Variants in AKAP11 observed in about 807,000 individuals in gnomAD.
AKAP11 encodes the protein A-kinase anchoring protein 11.
In AKAP11, 36 loss-of-function variants were observed where a neutral mutation model predicts 146.1. That is an observed-to-expected ratio of 0.25 (90% CI 0.19 to 0.33). The LOEUF (loss-of-function observed/expected upper bound fraction) is 0.33, where lower values mean the gene tolerates loss of function less well. Among genes scored for constraint, AKAP11 ranks in the 10% least tolerant of loss-of-function variants. The pLI is 1.00. For missense variants in AKAP11, 2,201 were observed against 2,197.0 expected (o/e 1.00, Z -0.04); for synonymous variants, 780 against 786.5 (o/e 0.99, Z 0.14).
Position 42,300,642 on chromosome 13 carries a change from G to C in AKAP11, c.1896G>C (p.Gln632His). 6.2e-7 allele frequency: 1 copy of C among 1,614,054 alleles called. No individual in the cohort carries two copies. The highest frequency in any genetic ancestry group is 1.1e-5 in the South Asian group (1 of 91,080). ...TATCAAATGCCTTAAAAGATTTACA[G>C]TATGTAAAGAAGCAGATATTCACAA... ...EALSNALKDL[Q>H]YVKKQIFTNT... Residue 632 changes from glutamine (Q) to histidine (H), a missense_variant, in exon 8 of 13, where the codon CAG becomes CAC. Around this residue, in one of 3 missense-constraint regions of AKAP11, gnomAD observed 1,867 missense variants for 1,833.5 expected, o/e 1.02. Transcript: ENST00000025301.
intron 1 of AKAP11, among the ~76,000 whole-genome samples, chr13:42,278,670 T>C (rs1958984880): frequency 6.6e-6 from 1 of 152,200 alleles, no homozygotes; most frequent in Non-Finnish European, 1.5e-5. Flanking sequence ...AACAGTTATA[T>C]TTTAACTGTT....
chr13:42,286,964 A>G (rs1008809496), intron 3 of AKAP11, among the ~76,000 whole-genome samples: 2 of 152,230 alleles, frequency 1.3e-5, no homozygotes, highest in Non-Finnish European at 2.9e-5. Context: ...AAGATAATTA[A>G]CAGTCTTTGT....
chr13:42,273,243 A>ATTTT (rs1958823689), intron 1 of AKAP11, among the ~76,000 whole-genome samples: 1 of 152,202 alleles, frequency 6.6e-6, no homozygotes, highest in Non-Finnish European at 1.5e-5. Context: ...TGGAGTACTA[A>ATTTT]GAAAAAATGG....
chr13:42,274,191 T>C (rs750421972), intron 1 of AKAP11, among the ~76,000 whole-genome samples: 13 of 152,184 alleles, frequency 8.5e-5, no homozygotes, highest in Non-Finnish European at 1.6e-4. Context: ...CTGCATTTTA[T>C]TAATCAACTA....
Position 42,299,950 on chromosome 13 carries a change from A to G in AKAP11, c.1204A>G (p.Lys402Glu), listed in dbSNP as rs1959757579. The part of the protein sequence containing the change: ...GKSCMNPQKF[K>E]FDRPALPANV... ...GTCATGTATGAATCCTCAAAAATTC[A>G]AGTTTGATCGTCCAGCTCTCCCAGC... Residue 402 changes from lysine to glutamate, a missense_variant, in exon 8 of 13, where the codon AAG becomes GAG. By Grantham distance (56) the Lys-to-Glu change is moderately conservative. Coordinates refer to ENST00000025301, the MANE Select transcript of AKAP11 (RefSeq NM_016248.4). The G allele has an allele frequency of 5.6e-6, 9 of 1,613,968 alleles. No individual in the cohort carries two copies. The highest frequency in any genetic ancestry group is 6.8e-6 in the Non-Finnish European group (8 of 1,179,858).
chr13:42,287,865 T>TA (rs1959178771), intron 3 of AKAP11, among the ~76,000 whole-genome samples: 2 of 152,208 alleles, frequency 1.3e-5, no homozygotes, highest in Admixed American at 1.3e-4. Flanking sequence ...CTGACTTGAA[T>TA]ATTTACCCCA....
At position 42,319,409 on chromosome 13, in the gene AKAP11, A is replaced by T; in HGVS notation, c.*181A>T. ...GGTGTATATAGTTCATACTTTTGTA[A>T]TCTGTCAAAATACTACCTTCATTTA... On this transcript the variant is annotated 3_prime_UTR_variant, in exon 13 of 13. Coordinates refer to ENST00000025301, the MANE Select transcript of AKAP11 (RefSeq NM_016248.4). 5 of 711,932 alleles carry T rather than the reference A, an allele frequency of 7.0e-6. No homozygotes were observed. The highest frequency in any genetic ancestry group is 8.9e-6 in the Non-Finnish European group (4 of 451,014). The allele number at this position is 711,932 out of a possible 1,614,324, so 44.1% of individuals were successfully genotyped here. A position where few individuals can be genotyped will look rare whatever the true frequency, so the allele number is the denominator to read the frequency against.
chr13:42,294,669 G>T (rs1391086565), intron 4 of AKAP11, among the ~76,000 whole-genome samples: 1 of 152,054 alleles, frequency 6.6e-6, no homozygotes, highest in African/African-American at 2.4e-5. Flanking sequence ...CCAAAGTGCT[G>T]GGATTACAGA....
intron 1 of AKAP11, among the ~76,000 whole-genome samples, chr13:42,281,566 A>AT (rs1198109793): frequency 2.6e-5 from 4 of 152,188 alleles, no homozygotes; most frequent in Non-Finnish European, 5.9e-5. Context: ...AGACTTGGAG[A>AT]ATATATATTT....
chr13:42,303,879 C>T lies in AKAP11; in HGVS notation c.5117+16C>T, dbSNP rs1372302310. The T allele has an allele frequency of 2.6e-6, 4 of 1,546,598 alleles. No individual in the cohort carries two copies. In the South Asian group the frequency reaches 5.0e-5, roughly 19 times the overall value. On this transcript the variant is annotated intron_variant, in intron 8 of 12. Coordinates refer to ENST00000025301, the MANE Select transcript of AKAP11 (RefSeq NM_016248.4). ...CTGTTAGCAGGTAAGTTTCACGTTT[C>T]TTTTGGTTGTTAATGATAAATTAAA... is the stretch of plus-strand genomic sequence containing the variant.
chr13:42,314,712 A>G (rs983743508), intron 11 of AKAP11, among the ~76,000 whole-genome samples: 1 of 152,132 alleles, frequency 6.6e-6, no homozygotes, highest in Non-Finnish European at 1.5e-5. Context: ...TTTCTAAAAG[A>G]TATTTCTAAA....
chr13:42,284,695 C>G (rs1959132186), intron 1 of AKAP11, among the ~76,000 whole-genome samples: 1 of 152,184 alleles, frequency 6.6e-6, no homozygotes, highest in Non-Finnish European at 1.5e-5. Context: ...GTAAACTTCT[C>G]TGGTAAATAC....
intron 1 of AKAP11, among the ~76,000 whole-genome samples, chr13:42,275,740 G>A (rs962262147): frequency 4.6e-5 from 7 of 152,166 alleles, no homozygotes; most frequent in Admixed American, 3.9e-4. Flanking sequence ...TTTCCTATGC[G>A]TAGAATGGGC....
intron 9 of AKAP11, 86 bp downstream of exon 9, chr13:42,308,695 TC>T: frequency 9.1e-7 from 1 of 1,104,690 alleles, no homozygotes. Context: ...ATTTAAAAAT[TC>T]TAAATTTGAA....
chr13:42,287,939 G>T (rs1959179203), intron 3 of AKAP11, among the ~76,000 whole-genome samples: 1 of 152,178 alleles, frequency 6.6e-6, no homozygotes, highest in Non-Finnish European at 1.5e-5. Flanking sequence ...TACCAGGTTA[G>T]TGTCTTTTGT....
At position 42,300,063 on chromosome 13, in the gene AKAP11, A is replaced by G. The variant is rs144366851; in HGVS notation, c.1317A>G (p.Ala439=). The G allele has an allele frequency of 2.1e-5, 34 of 1,613,992 alleles. No homozygotes were observed. The African/African-American group carries it at 4.4e-4, about 21-fold the overall frequency. The change falls in exon 8 of 13, where the codon GCA becomes GCG. Residue 439 remains alanine, a synonymous_variant. Transcript: ENST00000025301. The part of the protein sequence containing the change: ...DAPDSPRPVK[A]SREDSGLFSP... ...CGGATTCTCCTCGCCCAGTGAAGGC[A>G]TCAAGGGAAGATAGTGGTTTATTTA...
chr13:42,286,098 ATC>A (rs1959163091), intron 2 of AKAP11, 63 bp downstream of exon 2: 1 of 252,682 alleles, frequency 4.0e-6, no homozygotes, highest in Admixed American at 5.4e-5. Flanking sequence ...ATAATTTTCT[ATC>A]TCATTAAGGT....
At position 42,292,377 on chromosome 13, in the gene AKAP11, C is replaced by G. The variant is rs752304074; in HGVS notation, c.52-8C>G. On this transcript the variant is annotated splice_polypyrimidine_tract_variant and splice_region_variant and intron_variant, in intron 3 of 12. Transcript: ENST00000025301. ...ATTTGAAATATCTTTGCTTTCTTTC[C>G]CCTGCAGAGCTTCAGTGAAGATGTG... 3.3e-6 allele frequency: 5 copies of G among 1,510,412 alleles called. No homozygotes were observed. The highest frequency in any genetic ancestry group is 4.5e-6 in the Non-Finnish European group (5 of 1,104,006). The allele number at this position is 1,510,412 out of a possible 1,614,324, so 93.6% of individuals were successfully genotyped here.
At chr13:42,309,271 T>A (rs1960435326) in intron 9 of AKAP11, among the ~76,000 whole-genome samples, 1 of 152,240 alleles carries the variant, frequency 6.6e-6, no homozygotes, top group Non-Finnish European at 1.5e-5. Flanking sequence ...CTAAAGGCAT[T>A]TCTGACTAAC....
Sources: allele counts gnomAD v4.1 joint callset (sites outside exome capture counted in the v4.1 genomes callset), GRCh38; gene constraint gnomAD v4.1.1; regional missense constraint gnomAD v4.1.1; transcripts MANE v1.5; gene names NCBI Gene and HGNC (gene_info 2026-07-23, HGNC 2026-07-21).